The following PIBF1 variants were observed in gnomAD, a reference collection of about 807,000 sequenced individuals.
PIBF1 encodes the protein progesterone-induced-blocking factor 1.
PIBF1 carries 90 observed loss-of-function variants against 112.5 expected under a neutral mutation model. That is an observed-to-expected ratio of 0.80 (90% CI 0.67 to 0.95). The LOEUF (loss-of-function observed/expected upper bound fraction) is 0.95. Among genes scored for constraint, PIBF1 ranks in the 40% least tolerant of loss-of-function variants. The probability of loss-of-function intolerance (pLI) is 0.00; values close to 1 mark genes in which losing one functional copy is unlikely to be tolerated. For missense variants in PIBF1, 915 were observed against 852.3 expected, an observed-to-expected ratio of 1.07 and a Z score of -0.92; for synonymous variants, 301 against 288.6, an observed-to-expected ratio of 1.04 and a Z score of -0.44.
chr13:72,920,227 C>T (rs2041241041), intron 13 of PIBF1, among the ~76,000 whole-genome samples: 1 of 152,160 alleles, frequency 6.6e-6, no homozygotes, highest in South Asian at 2.1e-4. Context: ...ATCTATGTGC[C>T]TTGAACATGT....
At chr13:72,932,497 T>A (rs2041742777) in intron 14 of PIBF1, among the ~76,000 whole-genome samples, 1 of 152,182 alleles carries the variant, frequency 6.6e-6, no homozygotes, top group Non-Finnish European at 1.5e-5. Flanking sequence ...CACAGTGGTG[T>A]GTTGGTAAAT....
At chr13:72,800,964 A>G (rs1593916351) in intron 5 of PIBF1, among the ~76,000 whole-genome samples, 1 of 152,108 alleles carries the variant, frequency 6.6e-6, no homozygotes, top group East Asian at 1.9e-4. Context: ...GAGAGAGAGA[A>G]CAAGGCTGTC....
At chr13:72,871,160 G>A (rs9564928) in intron 10 of PIBF1, among the ~76,000 whole-genome samples, 90,650 of 151,970 alleles carry the variant, frequency 0.6, 27,685 homozygotes, top group East Asian at 0.76. Flanking sequence ...CGTGATGGGT[G>A]GTAGAGATTT....
chr13:72,841,077 A>G (rs1469099228), intron 9 of PIBF1, among the ~76,000 whole-genome samples: 1 of 152,234 alleles, frequency 6.6e-6, no homozygotes, highest in Non-Finnish European at 1.5e-5. Context: ...GAAAAGGGCA[A>G]TTATAAATGA....
At chr13:72,887,258 C>G (rs2039895450) in intron 10 of PIBF1, among the ~76,000 whole-genome samples, 1 of 151,706 alleles carries the variant, frequency 6.6e-6, no homozygotes, top group African/African-American at 2.4e-5. Flanking sequence ...AGTAAAATCT[C>G]TAAGATAACA....
At chr13:72,913,559 C>T (rs2040969712) in intron 12 of PIBF1, among the ~76,000 whole-genome samples, 2 of 152,124 alleles carry the variant, frequency 1.3e-5, no homozygotes, top group Admixed American at 6.6e-5. Flanking sequence ...AGGACGATTG[C>T]TTGAGCCCAG....
intron 13 of PIBF1, among the ~76,000 whole-genome samples, chr13:72,928,030 T>TAC (rs1566458738): frequency 2.8e-5 from 3 of 108,868 alleles, no homozygotes; most frequent in African/African-American, 9.0e-5. Context: ...TATATACATA[T>TAC]ATATATATAT....
intron 14 of PIBF1, among the ~76,000 whole-genome samples, chr13:72,955,067 C>T (rs746767040): frequency 2.0e-5 from 3 of 152,198 alleles, no homozygotes; most frequent in Non-Finnish European, 2.9e-5. Context: ...TAACTGTTAT[C>T]ACTCTGTTAC....
intron 12 of PIBF1, among the ~76,000 whole-genome samples, chr13:72,916,117 G>A (rs1447247888): frequency 1.3e-5 from 2 of 151,774 alleles, no homozygotes; most frequent in Non-Finnish European, 2.9e-5. Context: ...GGCCAGGTGC[G>A]GTGGCTCACA....
chr13:72,945,420 G>A (rs1177818126), intron 14 of PIBF1, among the ~76,000 whole-genome samples: 10 of 152,180 alleles, frequency 6.6e-5, no homozygotes, highest in African/African-American at 2.2e-4. Flanking sequence ...GAGATTGCTA[G>A]GTTGAATGAT....
intron 14 of PIBF1, among the ~76,000 whole-genome samples, chr13:72,940,782 A>T (rs2041990088): frequency 6.6e-6 from 1 of 152,132 alleles, no homozygotes; most frequent in Non-Finnish European, 1.5e-5. Context: ...TGTCCTGTAA[A>T]TTGTAAGGTT....
At chr13:72,944,457 A>AAAAG (rs1555321056) in intron 14 of PIBF1, among the ~76,000 whole-genome samples, 1 of 151,642 alleles carries the variant, frequency 6.6e-6, no homozygotes, top group South Asian at 2.1e-4. Flanking sequence ...AAAAAAAAAA[A>AAAAG]AAGAAGAAAA....
At chr13:72,896,675 AT>A (rs1393879241) in intron 11 of PIBF1, among the ~76,000 whole-genome samples, 1 of 152,198 alleles carries the variant, frequency 6.6e-6, no homozygotes, top group African/African-American at 2.4e-5. Context: ...CAGCAATAGA[AT>A]TGAACAAGTA....
rs114075844 is a variant in PIBF1 at position 72,917,050 on chromosome 13, A to G, written c.1640-26A>G. ...TTTAAAGGAAAAATAAAGTTATTTCACATTATACACTTTAATATTTTCCAG... is the reference window on the plus strand; with the variant it reads ...TTTAAAGGAAAAATAAAGTTATTTCGCATTATACACTTTAATATTTTCCAG... On this transcript the variant is annotated intron_variant, in intron 12 of 17. Coordinates refer to ENST00000326291, the MANE Select transcript of PIBF1 (RefSeq NM_006346.4). 1.3e-3 allele frequency: 1,837 copies of G among 1,393,996 alleles called. 23 individuals are homozygous for G. The African/African-American group carries it at 0.025, about 19-fold the overall frequency. 86.4% of individuals were successfully genotyped at this position (1,393,996 alleles called of 1,614,324 possible).
At chr13:72,917,248 T>C in intron 13 of PIBF1, 82 bp downstream of exon 13, 1 of 739,478 alleles carries the variant, frequency 1.4e-6, no homozygotes, top group Non-Finnish European at 2.1e-6. Context: ...TGTGCTGAGT[T>C]CAGTGACAAA....
At chr13:72,877,749 T>C (rs2039466322) in intron 10 of PIBF1, among the ~76,000 whole-genome samples, 1 of 150,964 alleles carries the variant, frequency 6.6e-6, no homozygotes, top group African/African-American at 2.5e-5. Flanking sequence ...TTTTCTTTTC[T>C]TTTCTTTTTT....
chr13:72,824,206 A>C, intron 6 of PIBF1, among the ~76,000 whole-genome samples: 1 of 145,956 alleles, frequency 6.9e-6, no homozygotes, highest in Admixed American at 6.9e-5. Flanking sequence ...TTAAGTAGAG[A>C]CATGGTTCCA....
chr13:72,897,226 C>T (rs965614335), intron 11 of PIBF1, among the ~76,000 whole-genome samples: 1 of 152,112 alleles, frequency 6.6e-6, no homozygotes, highest in Non-Finnish European at 1.5e-5. Flanking sequence ...AGGAAAGATA[C>T]AGTCATTTTC....
chr13:72,886,710 C>A (rs1297766718), intron 10 of PIBF1, among the ~76,000 whole-genome samples: 2 of 151,808 alleles, frequency 1.3e-5, no homozygotes, highest in Non-Finnish European at 2.9e-5. Flanking sequence ...TCTTATAAAT[C>A]CATGGTACAG....
Sources: gnomAD v4.1 joint callset for allele counts (sites outside exome capture counted in the v4.1 genomes callset) on GRCh38, gnomAD v4.1.1 for gene constraint, MANE v1.5 for transcripts, NCBI Gene and HGNC (gene_info 2026-07-23, HGNC 2026-07-21) for gene names.